TCL1B: variants seen among roughly 807,000 people sequenced by gnomAD.
The protein encoded by TCL1B is T-cell leukemia/lymphoma protein 1B.
A neutral mutation model predicts 16.9 loss-of-function variants in TCL1B; 14 were observed. That is an observed-to-expected ratio of 0.83 (90% CI 0.55 to 1.30). The LOEUF is 1.30. Ranked by LOEUF, TCL1B falls within the 50% of genes most tolerant of loss-of-function variation. TCL1B has a pLI of 0.00. For missense variants in TCL1B, 166 were observed against 165.2 expected, an observed-to-expected ratio of 1.00 and a Z score of -0.03; for synonymous variants, 79 against 66.6, an observed-to-expected ratio of 1.19 and a Z score of -0.91.
chr14:95,688,460 A>G (rs1885808033), intron 1 of TCL1B, among the ~76,000 whole-genome samples: 1 of 152,224 alleles, frequency 6.6e-6, no homozygotes, highest in Non-Finnish European at 1.5e-5. Context: ...AAAGCCTGAA[A>G]AAGTGTTAAT....
chr14:95,690,628 G>T, intron 1 of TCL1B, 108 bp from the exon 2 acceptor site: 1 of 1,302,852 alleles, frequency 7.7e-7, no homozygotes, highest in South Asian at 1.4e-5. Flanking sequence ...CTGGAATTCT[G>T]AAAACATTTA....
chr14:95,690,237 A>G (rs1885849799), intron 1 of TCL1B, among the ~76,000 whole-genome samples: 1 of 152,202 alleles, frequency 6.6e-6, no homozygotes, highest in African/African-American at 2.4e-5. Context: ...CGTGGCTTCA[A>G]GCAGTCCTCC....
In TCL1B at chr14:95,686,437, C is replaced by G. The variant is rs376915167; in HGVS notation, c.-31C>G. 4 of 1,581,210 alleles carry G rather than the reference C, an allele frequency of 2.5e-6. No individual in the cohort carries two copies. The highest frequency in any genetic ancestry group is 3.4e-6 in the Non-Finnish European group (4 of 1,165,274). On this transcript the variant is annotated 5_prime_UTR_variant, in exon 1 of 4. Coordinates refer to ENST00000340722, the MANE Select transcript of TCL1B (RefSeq NM_004918.4). ...GCAGCTGGAAAGCTACACGTGTGAG[C>G]CTAGAGGCGGGTCCCGGTTGCAGAC...
Position 95,686,628 on chromosome 14 carries a change from G to C in TCL1B, c.161G>C (p.Arg54Thr). 1.2e-6 allele frequency: 2 copies of C among 1,605,846 alleles called. No individual in the cohort carries two copies. Among genetic ancestry groups the C allele is most frequent in the Admixed American group, 1.7e-5 (1 of 59,184 alleles). Residue 54 changes from arginine to threonine, a missense_variant and splice_region_variant, in exon 1 of 4, where the codon AGA becomes ACA. Coordinates refer to ENST00000340722, the MANE Select transcript of TCL1B (RefSeq NM_004918.4). ...REWARASQGSRYEPSITVHLW... is the reference protein window; with the variant it reads ...REWARASQGSTYEPSITVHLW... ...TGGGCCAGGGCCTCCCAGGGCAGCAGAGTGAGTCCTGGGCACGAGGGGAGG... is the reference window on the plus strand; with the variant it reads ...TGGGCCAGGGCCTCCCAGGGCAGCACAGTGAGTCCTGGGCACGAGGGGAGG...
intron 1 of TCL1B, among the ~76,000 whole-genome samples, chr14:95,687,295 T>C (rs1467935264): frequency 6.6e-6 from 1 of 152,190 alleles, no homozygotes; most frequent in Non-Finnish European, 1.5e-5. Flanking sequence ...ATGAGGGCTT[T>C]AGATCACAGC....
At chr14:95,691,461 C>T in intron 3 of TCL1B, 125 bp downstream of exon 3, 1 of 800,456 alleles carries the variant, frequency 1.2e-6, no homozygotes, top group Admixed American at 2.5e-5. Context: ...CTTACATAGC[C>T]ACCTGTCACC....
intron 1 of TCL1B, chr14:95,689,317 TTAAGA>T (rs1316383910): frequency 6.9e-5 from 10 of 145,880 alleles, no homozygotes; most frequent in African/African-American, 2.3e-4. Context: ...AAAAAAACAG[TTAAGA>T]TTTTTTTTTT....
At chr14:95,691,542 G>T in intron 3 of TCL1B, 1 of 526,658 alleles carries the variant, frequency 1.9e-6, no homozygotes. Flanking sequence ...CTAAAGCATG[G>T]GATCTCATCG....
chr14:95,688,027 C>T (rs1401537011), intron 1 of TCL1B, among the ~76,000 whole-genome samples: 1 of 150,152 alleles, frequency 6.7e-6, no homozygotes, highest in African/African-American at 2.4e-5. Context: ...TTGAGAAAGT[C>T]TTGCTCTGTT....
At chr14:95,691,066 G>A (rs946011234) in intron 2 of TCL1B, among the ~76,000 whole-genome samples, 160 bp downstream of exon 2, 2 of 152,246 alleles carry the variant, frequency 1.3e-5, no homozygotes, top group Non-Finnish European at 2.9e-5. Context: ...TGGGTGGATC[G>A]GTGCATGAGT....
chr14:95,690,674 G>A, intron 1 of TCL1B, 62 bp from the exon 2 acceptor site: 1 of 1,561,426 alleles, frequency 6.4e-7, no homozygotes, highest in Non-Finnish European at 8.7e-7. Flanking sequence ...CATTGCTTGT[G>A]TGCAGCCCAG....
chr14:95,691,673 A>T (rs186218459), intron 3 of TCL1B: 1 of 232,276 alleles, frequency 4.3e-6, no homozygotes. Flanking sequence ...CCATACAGCC[A>T]GGAAATAGCG....
At chr14:95,690,389 A>AG (rs11424561) in intron 1 of TCL1B, among the ~76,000 whole-genome samples, 147,781 of 152,220 alleles carry the variant, frequency 0.97, 71,986 homozygotes, top group Middle Eastern at 1. Context: ...CCTCAGATCC[A>AG]GAGTCCATGG....
intron 2 of TCL1B, 136 bp downstream of exon 2, chr14:95,691,042 G>A: frequency 2.5e-6 from 3 of 1,190,046 alleles, no homozygotes; most frequent in South Asian, 1.5e-5. Context: ...CCTTCAAGGA[G>A]GCCTGAGTGT....
At position 95,691,292 on chromosome 14, in the gene TCL1B, C is replaced by T. The variant is rs1270989525; in HGVS notation, c.358C>T (p.Leu120=). 1.9e-6 allele frequency: 3 copies of T among 1,613,742 alleles called. No homozygotes were observed. The highest frequency in any genetic ancestry group is 1.7e-4 in the Middle Eastern group (1 of 6,060). Residue 120 remains leucine (L), a synonymous_variant, in exon 3 of 4, where the codon CTA becomes TTA. Transcript: ENST00000340722. The part of the protein sequence containing the change: ...GQIDSMEQLV[L]TYQPERKD ...GATTGACTCTATGGAGCAGCTGGTC[C>T]TAACATATCAGCCGGAGAGGAAAGA... is the stretch of plus-strand genomic sequence containing the variant.
rs747352243 is a variant in TCL1B, at chr14:95,686,613, C to T, written c.146C>T (p.Ala49Val). ...CCCTCGCGTAGGGAATGGGCCAGGGCCTCCCAGGGCAGCAGAGTGAGTCCT... is the reference window on the plus strand; with the variant it reads ...CCCTCGCGTAGGGAATGGGCCAGGGTCTCCCAGGGCAGCAGAGTGAGTCCT... The part of the protein sequence containing the change: ...FNPSRREWAR[A>V]SQGSRYEPSI... Residue 49 changes from alanine to valine, a missense_variant, in exon 1 of 4, where the codon GCC becomes GTC. By Grantham distance (64) the Ala-to-Val change is moderately conservative. Coordinates refer to ENST00000340722, the MANE Select transcript of TCL1B (RefSeq NM_004918.4). 1.2e-6 allele frequency: 2 copies of T among 1,609,346 alleles called. No individual in the cohort carries two copies. Among genetic ancestry groups the T allele is most frequent in the Admixed American group, 3.4e-5 (2 of 59,592 alleles).
intron 1 of TCL1B, 54 bp downstream of exon 1, chr14:95,686,683 C>T (rs1885768810): frequency 2.6e-6 from 4 of 1,526,410 alleles, no homozygotes; most frequent in Non-Finnish European, 2.6e-6. Flanking sequence ...CTGACCCCTG[C>T]CCGTGTGGGA....
In TCL1B at chr14:95,691,157, C is replaced by T. The variant is rs1414347540; in HGVS notation, c.334-111C>T. Reference sequence around the variant, plus strand: ...CTAGGGAAATCCACAAGCTGGAGTTCCCACCTGCCTCACCCCTGCCTGCTG... The same window carrying T: ...CTAGGGAAATCCACAAGCTGGAGTTTCCACCTGCCTCACCCCTGCCTGCTG... On this transcript the variant is annotated intron_variant, in intron 2 of 3. Transcript: ENST00000340722. 8.4e-6 allele frequency: 11 copies of T among 1,314,038 alleles called. No individual in the cohort carries two copies. The Admixed American group carries it at 2.5e-4, about 30-fold the overall frequency. The allele number at this position is 1,314,038 out of a possible 1,614,324, so 81.4% of individuals were successfully genotyped here. A position where few individuals can be genotyped will look rare whatever the true frequency, so the allele number is the denominator to read the frequency against.
chr14:95,686,773 TC>T, intron 1 of TCL1B, 144 bp downstream of exon 1: 1 of 1,024,250 alleles, frequency 9.8e-7, no homozygotes, highest in Non-Finnish European at 1.4e-6. Context: ...CGCAGCAATG[TC>T]CATGCCCAGC....
Sources: allele counts gnomAD v4.1 joint callset (sites outside exome capture counted in the v4.1 genomes callset), GRCh38; gene constraint gnomAD v4.1.1; transcripts MANE v1.5; gene names NCBI Gene and HGNC (gene_info 2026-07-23, HGNC 2026-07-21).